TMTC2: variants seen among roughly 807,000 people sequenced by gnomAD.
TMTC2 encodes transmembrane O-mannosyltransferase targeting cadherins 2.
In TMTC2, 43 loss-of-function variants were observed where a neutral mutation model predicts 82.4. The observed-to-expected ratio is 0.52, with a 90% CI of 0.41 to 0.67. TMTC2 has a LOEUF of 0.67. Among genes scored for constraint, TMTC2 ranks in the 30% least tolerant of loss-of-function variants. TMTC2 has a pLI of 0.00. For missense variants in TMTC2, 919 were observed against 1,012.4 expected, an observed-to-expected ratio of 0.91 and a Z score of 1.25; for synonymous variants, 408 against 381.9, an observed-to-expected ratio of 1.07 and a Z score of -0.80.
intron 1 of TMTC2, among the ~76,000 whole-genome samples, chr12:82,709,149 T>G (rs1282718989): frequency 6.6e-6 from 1 of 152,110 alleles, no homozygotes; most frequent in Non-Finnish European, 1.5e-5. Flanking sequence ...TGCTATCTTC[T>G]GTACTTTTTG....
At chr12:82,993,287 T>TTTTA (rs1039355320) in intron 8 of TMTC2, among the ~76,000 whole-genome samples, 15 of 152,110 alleles carry the variant, frequency 9.9e-5, no homozygotes, top group Non-Finnish European at 1.8e-4. Context: ...CAGGCCAGCT[T>TTTTA]TTTATTTATT....
At chr12:82,737,018 A>G (rs1234403377) in intron 1 of TMTC2, among the ~76,000 whole-genome samples, 1 of 152,224 alleles carries the variant, frequency 6.6e-6, no homozygotes, top group Non-Finnish European at 1.5e-5. Context: ...AAGATCAGTT[A>G]GAATTTATGA....
chr12:82,853,833 ATT>A (rs536190131), intron 1 of TMTC2, among the ~76,000 whole-genome samples: 100 of 151,936 alleles, frequency 6.6e-4, no homozygotes, highest in Non-Finnish European at 9.9e-4. Context: ...TATTAGAGAT[ATT>A]TACATCAATA....
intron 11 of TMTC2, among the ~76,000 whole-genome samples, chr12:83,088,887 T>A (rs1021424417): frequency 1.3e-5 from 2 of 152,060 alleles, no homozygotes; most frequent in African/African-American, 4.8e-5. Context: ...CAGAAAGAAA[T>A]ATTTATTAGG....
At chr12:82,923,165 C>T (rs1875493645) in intron 3 of TMTC2, among the ~76,000 whole-genome samples, 1 of 152,268 alleles carries the variant, frequency 6.6e-6, no homozygotes, top group African/African-American at 2.4e-5. Flanking sequence ...TGACCTTATC[C>T]ATTTTTCTAT....
In TMTC2 at chr12:83,133,955, G is replaced by A. The variant is rs1885350150; in HGVS notation, c.*1566G>A. 6.6e-6 allele frequency: 1 copy of A among 152,364 alleles called. No homozygotes were observed. The allele number at this position is 152,364 out of a possible 1,614,324, so 9.4% of individuals were successfully genotyped here. On this transcript the variant is annotated 3_prime_UTR_variant, in exon 12 of 12. Coordinates refer to ENST00000321196, the MANE Select transcript of TMTC2 (RefSeq NM_152588.3). ...TGATCAGCCTCTCCATTAAAAAGAA[G>A]CTGGACATGCAAATACATCATATTA...
chr12:82,920,356 A>C (rs1284536411), intron 3 of TMTC2, among the ~76,000 whole-genome samples: 1 of 152,214 alleles, frequency 6.6e-6, no homozygotes, highest in Non-Finnish European at 1.5e-5. Flanking sequence ...GAAAAAATTT[A>C]GAGGTATTTA....
chr12:82,942,810 G>A (rs1416519786), intron 4 of TMTC2, among the ~76,000 whole-genome samples: 3 of 151,836 alleles, frequency 2.0e-5, no homozygotes, highest in Non-Finnish European at 4.4e-5. Flanking sequence ...GGAGAAGCTA[G>A]AGTTAAAATA....
chr12:83,030,938 A>C (rs1183404543), intron 9 of TMTC2, 59 bp downstream of exon 9: 1 of 1,270,136 alleles, frequency 7.9e-7, no homozygotes, highest in East Asian at 2.3e-5. Context: ...TGTTGATATG[A>C]GATCTAGGCT....
intron 11 of TMTC2, among the ~76,000 whole-genome samples, chr12:83,098,711 AC>A (rs1884114334): frequency 6.6e-6 from 1 of 151,698 alleles, no homozygotes; most frequent in Non-Finnish European, 1.5e-5. Flanking sequence ...GGGGGACCCG[AC>A]CCCCACCTTC....
intron 4 of TMTC2, among the ~76,000 whole-genome samples, chr12:82,954,951 A>G (rs1192598874): frequency 6.6e-6 from 1 of 152,224 alleles, no homozygotes. Flanking sequence ...TTAATGAAAA[A>G]TAATGTAATC....
intron 8 of TMTC2, among the ~76,000 whole-genome samples, chr12:82,994,783 T>A (rs565654666): frequency 6.0e-4 from 91 of 152,260 alleles, no homozygotes; most frequent in Admixed American, 9.8e-4. Flanking sequence ...TTAGGTGAAA[T>A]TCACAATAAA....
chr12:82,710,574 C>T (rs564504660), intron 1 of TMTC2, among the ~76,000 whole-genome samples: 174 of 152,190 alleles, frequency 1.1e-3, no homozygotes, highest in Non-Finnish European at 2.1e-3. Flanking sequence ...ATGATCATTA[C>T]GAACATGATA....
In TMTC2 at chr12:82,687,461, G is replaced by A. The variant is rs1872369946; in HGVS notation, c.-126G>A. The A allele has an allele frequency of 2.3e-6, 2 of 854,560 alleles. No homozygotes were observed. The highest frequency in any genetic ancestry group is 2.1e-5 in the Admixed American group (1 of 46,814). 52.9% of individuals were successfully genotyped at this position (854,560 alleles called of 1,614,324 possible). On this transcript the variant is annotated 5_prime_UTR_variant, in exon 1 of 12. Coordinates refer to ENST00000321196, the MANE Select transcript of TMTC2 (RefSeq NM_152588.3). ...TGGAAGGACCCGAGGGAGGGAGGGT[G>A]GGGAAGCGAGGGAAAAGTGAAGCTG...
At chr12:82,773,134 T>C (rs1877396605) in intron 1 of TMTC2, among the ~76,000 whole-genome samples, 1 of 152,198 alleles carries the variant, frequency 6.6e-6, no homozygotes, top group African/African-American at 2.4e-5. Context: ...CTTTGCTGCT[T>C]CTAAACTTTC....
intron 3 of TMTC2, among the ~76,000 whole-genome samples, chr12:82,919,085 G>T (rs567810676): frequency 4.6e-5 from 7 of 152,304 alleles, no homozygotes; most frequent in African/African-American, 1.7e-4. Flanking sequence ...ACAACACAAA[G>T]ACATGTATTT....
chr12:82,689,443 T>TA (rs947038511), intron 1 of TMTC2, among the ~76,000 whole-genome samples: 1 of 152,214 alleles, frequency 6.6e-6, no homozygotes, highest in Non-Finnish European at 1.5e-5. Context: ...AGAGTTTATT[T>TA]AAAAAAAGAA....
At chr12:82,852,271 TTG>T (rs1341364198) in intron 1 of TMTC2, among the ~76,000 whole-genome samples, 1 of 151,568 alleles carries the variant, frequency 6.6e-6, no homozygotes, top group Non-Finnish European at 1.5e-5. Context: ...CCGGCTAATT[TTG>T]TGTGTGTGTG....
intron 1 of TMTC2, among the ~76,000 whole-genome samples, chr12:82,707,244 G>T (rs949814599): frequency 4.6e-5 from 7 of 152,140 alleles, no homozygotes; most frequent in Admixed American, 4.6e-4. Context: ...TTACATGGAG[G>T]TCGGGGGCAA....
Sources: allele counts gnomAD v4.1 joint callset (sites outside exome capture counted in the v4.1 genomes callset), GRCh38; gene constraint gnomAD v4.1.1; transcripts MANE v1.5; gene names NCBI Gene and HGNC (gene_info 2026-07-23, HGNC 2026-07-21).